The following PTPRQ variants were observed in gnomAD, a reference collection of about 807,000 sequenced individuals.
The protein encoded by PTPRQ is phosphatidylinositol phosphatase PTPRQ.
PTPRQ carries 199 observed loss-of-function variants against 246.0 expected under a neutral mutation model. The observed-to-expected ratio is 0.81, with a 90% confidence interval of 0.72 to 0.91. The LOEUF is 0.91. PTPRQ is among the 40% of genes least tolerant of loss of function. The pLI is 0.00. For missense variants in PTPRQ, 2,624 were observed against 2,528.4 expected, an observed-to-expected ratio of 1.04 and a Z score of -0.81; for synonymous variants, 869 against 853.2, an observed-to-expected ratio of 1.02 and a Z score of -0.32.
intron 39 of PTPRQ, among the ~76,000 whole-genome samples, chr12:80,658,853 G>C (rs950907400): frequency 6.6e-6 from 1 of 151,786 alleles, no homozygotes; most frequent in Non-Finnish European, 1.5e-5. Context: ...CTTATCCATA[G>C]GTCTTCTCAT....
intron 38 of PTPRQ, among the ~76,000 whole-genome samples, chr12:80,657,739 G>A (rs1900490330): frequency 6.6e-6 from 1 of 151,688 alleles, no homozygotes; most frequent in African/African-American, 2.4e-5. Flanking sequence ...CACTCCATTT[G>A]TAGCTAAAGA....
At chr12:80,589,712 A>C (rs1897729022) in intron 26 of PTPRQ, among the ~76,000 whole-genome samples, 1 of 152,192 alleles carries the variant, frequency 6.6e-6, no homozygotes, top group African/African-American at 2.4e-5. Context: ...GAATCCTGAC[A>C]ACTCAGACTT....
chr12:80,593,732 A>AAAAGCAGTTTGAGTGGTGTGTGTATAT (rs1897878119), intron 26 of PTPRQ: 1 of 152,140 alleles, frequency 6.6e-6, no homozygotes, highest in Non-Finnish European at 1.5e-5. Context: ...CCTTAAAGTC[A>AAAAGCAGTTTGAGTGGTGTGTGTATAT]AAAGCAGTTT....
At chr12:80,651,292 G>A (rs560246039) in intron 37 of PTPRQ, among the ~76,000 whole-genome samples, 3 of 152,168 alleles carry the variant, frequency 2.0e-5, no homozygotes, top group African/African-American at 7.2e-5. Context: ...AACTGCAGAT[G>A]TGTAAAAATT....
intron 14 of PTPRQ, among the ~76,000 whole-genome samples, chr12:80,501,604 G>C (rs1894801251): frequency 6.6e-6 from 1 of 151,914 alleles, no homozygotes; most frequent in African/African-American, 2.4e-5. Context: ...CATATCACTG[G>C]ACAACAGGGG....
At chr12:80,500,159 A>G (rs1894755008) in intron 14 of PTPRQ, among the ~76,000 whole-genome samples, 1 of 152,036 alleles carries the variant, frequency 6.6e-6, no homozygotes, top group Non-Finnish European at 1.5e-5. Context: ...TGGCAGATTC[A>G]AGGTAACTTC....
At chr12:80,635,140 T>A in intron 35 of PTPRQ, 67 bp downstream of exon 35, 1 of 1,503,480 alleles carries the variant, frequency 6.7e-7, no homozygotes, top group Non-Finnish European at 8.8e-7. Context: ...TTCTGACCTA[T>A]GCTTGTTGGA....
At chr12:80,473,061 A>ACGCACACACACACG (rs1491047509) in intron 8 of PTPRQ, among the ~76,000 whole-genome samples, 4 of 151,528 alleles carry the variant, frequency 2.6e-5, no homozygotes, top group African/African-American at 9.7e-5. Context: ...ACACACACAC[A>ACGCACACACACACG]CACACACACA....
At chr12:80,522,337 A>G (rs1895524256) in intron 17 of PTPRQ, among the ~76,000 whole-genome samples, 1 of 152,104 alleles carries the variant, frequency 6.6e-6, no homozygotes. Context: ...CTCTTTTCCT[A>G]ATTGAATACC....
chr12:80,548,949 C>T (rs1443219892), intron 24 of PTPRQ, among the ~76,000 whole-genome samples: 2 of 152,066 alleles, frequency 1.3e-5, no homozygotes, highest in Non-Finnish European at 2.9e-5. Context: ...ACAAAAGGTA[C>T]TTAAAAATGA....
At chr12:80,672,579 A>G (rs974774224) in intron 42 of PTPRQ, among the ~76,000 whole-genome samples, 1 of 152,028 alleles carries the variant, frequency 6.6e-6, no homozygotes, top group Non-Finnish European at 1.5e-5. Flanking sequence ...TTCCGAATCA[A>G]TCTTGTGAGG....
chr12:80,495,320 A>T lies in PTPRQ; in HGVS notation c.1831A>T (p.Thr611Ser), dbSNP rs762910769. The T allele has an allele frequency of 4.5e-6, 7 of 1,543,468 alleles. No homozygotes were observed. Among genetic ancestry groups the T allele is most frequent in the Non-Finnish European group, 6.1e-6 (7 of 1,144,594 alleles). ...HYTIYAMELD[T>S]NRAFQITTID... ...TACGATTTATGCAATGGAATTGGATACAAACAGAGCATTCCAGATAACTAC... is the reference window on the plus strand; with the variant it reads ...TACGATTTATGCAATGGAATTGGATTCAAACAGAGCATTCCAGATAACTAC... The change falls in exon 12 of 45, where the codon ACA becomes TCA. Residue 611 changes from threonine to serine, a missense_variant. Physicochemically the swap from Thr to Ser is moderately conservative, Grantham distance 58. Coordinates refer to ENST00000644991, the MANE Select transcript of PTPRQ (RefSeq NM_001145026.2).
In PTPRQ at chr12:80,541,558, CTGAAGGGTTTG is replaced by C; in HGVS notation, c.3160_3170del (p.Glu1054TrpfsTer50). ...TTTTGCCCATTACCTATCATAGTAC[CTGAAGGGTTTG>C]TTGGAAACCTGACTTACGAATCCAT... On this transcript the variant is annotated frameshift_variant, in exon 21 of 45. Coordinates refer to ENST00000644991, the MANE Select transcript of PTPRQ (RefSeq NM_001145026.2). LOFTEE classifies it high-confidence loss of function. 1 of 1,513,010 alleles carries C rather than the reference CTGAAGGGTTTG, an allele frequency of 6.6e-7. No individual in the cohort carries two copies. The highest frequency in any genetic ancestry group is 8.9e-7 in the Non-Finnish European group (1 of 1,128,168). 93.7% of individuals were successfully genotyped at this position (1,513,010 alleles called of 1,614,324 possible).
chr12:80,495,758 T>C (rs1278245513), intron 12 of PTPRQ, among the ~76,000 whole-genome samples: 1 of 152,032 alleles, frequency 6.6e-6, no homozygotes, highest in Non-Finnish European at 1.5e-5. Context: ...CACCCTGCAG[T>C]GTGCCAAAAA....
chr12:80,478,520 G>C (rs1001777865), intron 8 of PTPRQ, among the ~76,000 whole-genome samples: 2 of 152,214 alleles, frequency 1.3e-5, no homozygotes, highest in African/African-American at 4.8e-5. Flanking sequence ...ATGGAACAAA[G>C]CTGGACGGAG....
At chr12:80,663,858 T>C (rs1900706160) in intron 39 of PTPRQ, among the ~76,000 whole-genome samples, 1 of 151,948 alleles carries the variant, frequency 6.6e-6, no homozygotes, top group East Asian at 1.9e-4. Context: ...TCCAGATCAC[T>C]GGACTCTGAT....
chr12:80,512,705 C>G (rs372539013), intron 17 of PTPRQ: 113 of 152,246 alleles, frequency 7.4e-4, no homozygotes, highest in African/African-American at 2.7e-3. Context: ...ATTTCTCATT[C>G]CCTCTGGGTT....
intron 25 of PTPRQ, among the ~76,000 whole-genome samples, chr12:80,557,977 T>C (rs972315079): frequency 6.6e-6 from 1 of 151,964 alleles, no homozygotes; most frequent in South Asian, 2.1e-4. Flanking sequence ...GTATGTAACC[T>C]TTTTTACCCA....
intron 16 of PTPRQ, among the ~76,000 whole-genome samples, chr12:80,508,763 A>G (rs2120708490): frequency 6.6e-6 from 1 of 152,206 alleles, no homozygotes; most frequent in South Asian, 2.1e-4. Context: ...ATTTTTTTAG[A>G]TAGACATGTT....
Sources: allele counts gnomAD v4.1 joint callset (sites outside exome capture counted in the v4.1 genomes callset), GRCh38; gene constraint gnomAD v4.1.1; transcripts MANE v1.5; gene names NCBI Gene and HGNC (gene_info 2026-07-23, HGNC 2026-07-21).